The following ZDHHC15 variants were observed in gnomAD, a reference collection of about 807,000 sequenced individuals.
ZDHHC15 encodes palmitoyltransferase ZDHHC15.
In ZDHHC15, 19 loss-of-function variants were observed where a neutral mutation model predicts 31.7. The ratio of observed to expected loss-of-function variants is 0.60; its 90% CI spans 0.42 to 0.88. The LOEUF (loss-of-function observed/expected upper bound fraction) is 0.88. Ranked by LOEUF, ZDHHC15 falls within the 40% of genes least tolerant of loss-of-function variation. ZDHHC15 has a pLI of 0.00. For missense variants in ZDHHC15, 209 were observed against 251.2 expected (o/e 0.83, Z 1.14); for synonymous variants, 103 against 90.0 (o/e 1.14, Z -0.82).
intron 10 of ZDHHC15, among the ~76,000 whole-genome samples, chrX:75,402,949 A>C (rs1451808711): frequency 9.0e-6 from 1 of 111,671 alleles, no homozygotes; most frequent in African/African-American, 3.3e-5. Flanking sequence ...ATTCACCTTC[A>C]GGCCTATATC....
intron 2 of ZDHHC15, among the ~76,000 whole-genome samples, chrX:75,480,360 T>C: frequency 8.9e-6 from 1 of 111,869 alleles, no homozygotes; most frequent in South Asian, 3.8e-4. Flanking sequence ...GTATGTATCA[T>C]TCCAGATCCT....
At chrX:75,500,855 C>T (rs928292527) in intron 2 of ZDHHC15, among the ~76,000 whole-genome samples, 1 of 109,754 alleles carries the variant, frequency 9.1e-6, no homozygotes, top group Non-Finnish European at 1.9e-5. Context: ...ATACTGTAGC[C>T]CAGACGTTTT....
intron 10 of ZDHHC15, among the ~76,000 whole-genome samples, chrX:75,394,266 G>A (rs1191635065): frequency 9.1e-6 from 1 of 110,296 alleles, no homozygotes; most frequent in Non-Finnish European, 1.9e-5. Context: ...CTTAAAAGAA[G>A]ACAGGAAGGA....
At chrX:75,429,279 A>G (rs2083749644) in intron 6 of ZDHHC15, 81 bp from the exon 7 acceptor site, 1 of 1,065,042 alleles carries the variant, frequency 9.4e-7, no homozygotes, top group African/African-American at 1.9e-5. Context: ...TAAGCAATGG[A>G]ATAATGCTAG....
intron 1 of ZDHHC15, among the ~76,000 whole-genome samples, chrX:75,511,650 C>T (rs932743368): frequency 9.4e-6 from 1 of 106,491 alleles, no homozygotes; most frequent in Admixed American, 1.0e-4. Context: ...GAAGTCCTTG[C>T]CCACGCCTAT....
Position 75,466,915 on chromosome X carries a change from C to A in ZDHHC15, c.258+11976G>T, listed in dbSNP as rs183461387. Among the ~76,000 whole-genome samples the A allele has an allele frequency of 3.7e-5, 4 of 109,151 alleles. No individual in the cohort carries two copies. The East Asian group carries it at 1.2e-3, about 32-fold the overall frequency. The allele number at this position is 109,151 out of a possible 115,157, so 94.8% of individuals were successfully genotyped here. A position where few individuals can be genotyped will look rare whatever the true frequency, so the allele number is the denominator to read the frequency against. On this transcript the variant is annotated intron_variant, in intron 3 of 11. Transcript: ENST00000373367. ...TTAGGGGTGGGGGGAGGGACAGCAT[C>A]AGGAAGAGGAGCTAATGGATGCTGG...
intron 2 of ZDHHC15, among the ~76,000 whole-genome samples, chrX:75,498,148 G>A (rs1367984567): frequency 1.8e-5 from 2 of 109,809 alleles, no homozygotes; most frequent in African/African-American, 6.6e-5. Flanking sequence ...GGTCAGGCGG[G>A]TCTCAAACTC....
intron 2 of ZDHHC15, among the ~76,000 whole-genome samples, chrX:75,488,248 G>A (rs1275332841): frequency 9.0e-6 from 1 of 111,605 alleles, no homozygotes; most frequent in Non-Finnish European, 1.9e-5. Flanking sequence ...ATGAAGGAAA[G>A]AATCTTAAGA....
intron 3 of ZDHHC15, among the ~76,000 whole-genome samples, chrX:75,455,839 C>T (rs917298636): frequency 9.0e-6 from 1 of 110,955 alleles, no homozygotes; most frequent in Admixed American, 9.6e-5. Flanking sequence ...GTTAGAATGG[C>T]GATCATAGAA....
At chrX:75,471,351 T>C (rs919447460) in intron 3 of ZDHHC15, among the ~76,000 whole-genome samples, 15 of 112,428 alleles carry the variant, frequency 1.3e-4, no homozygotes, top group African/African-American at 4.2e-4. Context: ...ATTACATTGA[T>C]GACATTATGC....
intron 10 of ZDHHC15, among the ~76,000 whole-genome samples, chrX:75,413,916 C>A (rs369715525): frequency 3.3e-4 from 36 of 110,085 alleles, no homozygotes; most frequent in Non-Finnish European, 3.8e-4. Flanking sequence ...ACAATCATAC[C>A]CAACTTATTA....
At chrX:75,487,407 G>A (rs2084795200) in intron 2 of ZDHHC15, among the ~76,000 whole-genome samples, 1 of 111,777 alleles carries the variant, frequency 8.9e-6, no homozygotes, top group Admixed American at 9.5e-5. Context: ...GCCCCACTGG[G>A]AGGCTAGACT....
At chrX:75,479,329 C>G (rs754731810) in intron 2 of ZDHHC15, among the ~76,000 whole-genome samples, 7 of 111,880 alleles carry the variant, frequency 6.3e-5, no homozygotes, top group Non-Finnish European at 1.1e-4. Flanking sequence ...ATTTACACAG[C>G]ACTTTAGAGT....
chrX:75,432,756 C>G (rs916469633), intron 4 of ZDHHC15, among the ~76,000 whole-genome samples: 1 of 110,933 alleles, frequency 9.0e-6, no homozygotes, highest in African/African-American at 3.3e-5. Context: ...GCACAACTAT[C>G]GCTTGAGACC....
chrX:75,497,596 C>T (rs917591232), intron 2 of ZDHHC15, among the ~76,000 whole-genome samples: 2 of 111,355 alleles, frequency 1.8e-5, no homozygotes, highest in Non-Finnish European at 3.8e-5. Flanking sequence ...ACTAGCTAAC[C>T]GAATCCAATA....
At chrX:75,377,278 C>T (rs1303912606) in intron 11 of ZDHHC15, among the ~76,000 whole-genome samples, 5 of 110,906 alleles carry the variant, frequency 4.5e-5, no homozygotes, top group Non-Finnish European at 7.5e-5. Flanking sequence ...GGGCAGATCA[C>T]TTGAGGTCAG....
At chrX:75,442,958 C>A (rs2083966248) in intron 4 of ZDHHC15, among the ~76,000 whole-genome samples, 1 of 100,253 alleles carries the variant, frequency 1.0e-5, no homozygotes, top group Non-Finnish European at 2.0e-5. Context: ...TGCACTCCAG[C>A]CTGGGCGACA....
At chrX:75,484,045 T>A (rs986760811) in intron 2 of ZDHHC15, among the ~76,000 whole-genome samples, 4 of 112,202 alleles carry the variant, frequency 3.6e-5, no homozygotes, top group Non-Finnish European at 5.6e-5. Flanking sequence ...TCACACATTT[T>A]CAGAGTTGGA....
intron 2 of ZDHHC15, among the ~76,000 whole-genome samples, chrX:75,481,000 CA>C (rs1253626351): frequency 9.0e-6 from 1 of 111,476 alleles, no homozygotes; most frequent in Non-Finnish European, 1.9e-5. Flanking sequence ...AAGATTTTTT[CA>C]AGAGTTGTGT....
Sources: allele counts gnomAD v4.1 joint callset (sites outside exome capture counted in the v4.1 genomes callset), GRCh38; gene constraint gnomAD v4.1.1; transcripts MANE v1.5; gene names NCBI Gene and HGNC (gene_info 2026-07-23, HGNC 2026-07-21).